HS3ST5: variants seen among roughly 807,000 people sequenced by gnomAD.
HS3ST5 encodes heparan sulfate-glucosamine 3-sulfotransferase 5.
A neutral mutation model predicts 25.4 loss-of-function variants in HS3ST5; 10 were observed. That is an observed-to-expected ratio of 0.39 (90% CI 0.24 to 0.67). The LOEUF (loss-of-function observed/expected upper bound fraction) is 0.67, where lower values mean the gene tolerates loss of function less well. Ranked by LOEUF, HS3ST5 falls within the 30% of genes least tolerant of loss-of-function variation. The pLI is 0.44. For synonymous variants in HS3ST5, 170 were observed against 162.4 expected, an observed-to-expected ratio of 1.05 and a Z score of -0.36; for missense variants, 324 against 420.7, an observed-to-expected ratio of 0.77 and a Z score of 2.01.
intron 3 of HS3ST5, among the ~76,000 whole-genome samples, chr6:114,085,289 C>G (rs1468463434): frequency 6.6e-6 from 1 of 151,934 alleles, no homozygotes; most frequent in Non-Finnish European, 1.5e-5. Context: ...TGAGTTCTTT[C>G]GAAGAAGTTA....
At chr6:114,162,109 TTC>T (rs761289985) in intron 3 of HS3ST5, among the ~76,000 whole-genome samples, 1 of 152,164 alleles carries the variant, frequency 6.6e-6, no homozygotes, top group Non-Finnish European at 1.5e-5. Flanking sequence ...GATAAAATTA[TTC>T]TCTCAGTAAT....
intron 1 of HS3ST5, among the ~76,000 whole-genome samples, chr6:114,308,564 G>A (rs540499682): frequency 3.3e-5 from 5 of 152,136 alleles, no homozygotes; most frequent in Non-Finnish European, 5.9e-5. Context: ...TCCAGCCTGG[G>A]TGACAGAGCA....
chr6:114,330,722 CT>C (rs1776360222), intron 1 of HS3ST5, among the ~76,000 whole-genome samples: 1 of 152,294 alleles, frequency 6.6e-6, no homozygotes, highest in African/African-American at 2.4e-5. Context: ...ACTTGGTTCT[CT>C]TCTGAAACAA....
intron 3 of HS3ST5, among the ~76,000 whole-genome samples, chr6:114,162,664 T>C (rs1162818043): frequency 6.6e-6 from 1 of 152,190 alleles, no homozygotes; most frequent in Admixed American, 6.5e-5. Context: ...CCTTTTCCAG[T>C]CTTTTCCAGT....
At chr6:114,240,046 C>T (rs1772039320) in intron 1 of HS3ST5, among the ~76,000 whole-genome samples, 1 of 151,308 alleles carries the variant, frequency 6.6e-6, no homozygotes, top group Non-Finnish European at 1.5e-5. Context: ...CGCTTACTCT[C>T]TATTACACTG....
chr6:114,185,592 C>A (rs1286177132), intron 2 of HS3ST5, among the ~76,000 whole-genome samples: 4 of 152,202 alleles, frequency 2.6e-5, no homozygotes, highest in African/African-American at 7.2e-5. Context: ...TCATGGCAAC[C>A]CTCCATCAAG....
chr6:114,224,278 T>G (rs1782180894), intron 2 of HS3ST5, among the ~76,000 whole-genome samples: 1 of 151,654 alleles, frequency 6.6e-6, no homozygotes, highest in Non-Finnish European at 1.5e-5. Context: ...TTTTTATATT[T>G]ATTGATGTGA....
At position 114,085,936 on chromosome 6, in the gene HS3ST5, C is replaced by CCT. The variant is rs943694562; in HGVS notation, c.-32-23060_-32-23059insAG. Among the ~76,000 whole-genome samples, 22 of 106,658 alleles carry CCT rather than the reference C, an allele frequency of 2.1e-4. 1 individual carries two copies. The South Asian group carries it at 7.0e-3, about 34-fold the overall frequency. 70.0% of individuals were successfully genotyped at this position (106,658 alleles called of 152,430 possible). ...TCTTAAATTCATATAAATTCATTGC[C>CCT]CCCCCCCCCATTTAATCAGCCACTT... On this transcript the variant is annotated intron_variant, in intron 3 of 4. Transcript: ENST00000312719.
In HS3ST5 at chr6:114,342,240, G is replaced by A. The variant is rs892632794; in HGVS notation, c.-384C>T. Reference sequence around the variant, plus strand: ...GCGCGGGCGGGAGCCTCAGGGCGCGGGGGTCGGCGGCGGGTCGCGTGGGGG... The same window carrying A: ...GCGCGGGCGGGAGCCTCAGGGCGCGAGGGTCGGCGGCGGGTCGCGTGGGGG... On this transcript the variant is annotated 5_prime_UTR_variant, in exon 1 of 5. Transcript: ENST00000312719. The A allele has an allele frequency of 7.0e-6, 1 of 143,634 alleles. No individual in the cohort carries two copies. Among genetic ancestry groups the A allele is most frequent in the Non-Finnish European group, 1.5e-5 (1 of 65,626 alleles). 8.9% of individuals were successfully genotyped at this position (143,634 alleles called of 1,614,324 possible). A position where few individuals can be genotyped will look rare whatever the true frequency, so the allele number is the denominator to read the frequency against.
chr6:114,172,704 T>C (rs1779530504), intron 2 of HS3ST5, among the ~76,000 whole-genome samples: 1 of 152,252 alleles, frequency 6.6e-6, no homozygotes, highest in Non-Finnish European at 1.5e-5. Flanking sequence ...ATTCTGCATT[T>C]CATCTGTCAG....
intron 3 of HS3ST5, among the ~76,000 whole-genome samples, chr6:114,086,130 C>T (rs1774808881): frequency 6.6e-6 from 1 of 152,024 alleles, no homozygotes; most frequent in African/African-American, 2.4e-5. Context: ...GTACATGGCT[C>T]CCATAACCTT....
rs1562282046 is a variant in HS3ST5, at chr6:114,342,409, GC to G, written c.-554del. 5.2e-6 allele frequency: 1 copy of G among 193,350 alleles called. No homozygotes were observed. The highest frequency in any genetic ancestry group is 1.0e-5 in the Non-Finnish European group (1 of 99,086). The allele number at this position is 193,350 out of a possible 1,614,324, so 12.0% of individuals were successfully genotyped here. On this transcript the variant is annotated 5_prime_UTR_variant, in exon 1 of 5. Coordinates refer to ENST00000312719, the MANE Select transcript of HS3ST5 (RefSeq NM_153612.4). ...GCGCGTGTGAGTAAGACGCGAGCGG[GC>G]CCCACACGCAGGCGGCGGCGGCGGC...
chr6:114,247,356 C>T (rs965373242), intron 1 of HS3ST5, among the ~76,000 whole-genome samples: 1 of 152,100 alleles, frequency 6.6e-6, no homozygotes, highest in Admixed American at 6.5e-5. Context: ...TTAGGCTGGT[C>T]TTTACTTGTA....
At chr6:114,219,672 CA>C (rs1270795269) in intron 2 of HS3ST5, among the ~76,000 whole-genome samples, 1 of 151,972 alleles carries the variant, frequency 6.6e-6, no homozygotes, top group East Asian at 1.9e-4. Context: ...AAATAATAAA[CA>C]ATTAGTCTAA....
intron 1 of HS3ST5, among the ~76,000 whole-genome samples, chr6:114,321,019 T>C (rs1298353336): frequency 6.6e-6 from 1 of 151,618 alleles, no homozygotes; most frequent in East Asian, 1.9e-4. Context: ...CTGTCTTAAC[T>C]TCCCAAATTT....
At chr6:114,167,379 A>G in intron 3 of HS3ST5, 1 of 152,224 alleles carries the variant, frequency 6.6e-6, no homozygotes, top group East Asian at 1.9e-4. Flanking sequence ...ATTACTGTAG[A>G]CACAGTAGTA....
At chr6:114,113,695 C>T (rs1188620645) in intron 3 of HS3ST5, among the ~76,000 whole-genome samples, 1 of 152,004 alleles carries the variant, frequency 6.6e-6, no homozygotes, top group Non-Finnish European at 1.5e-5. Flanking sequence ...CATTTATTAT[C>T]TGCCTGCCCC....
chr6:114,283,258 G>C (rs1774199921), intron 1 of HS3ST5, among the ~76,000 whole-genome samples: 1 of 151,232 alleles, frequency 6.6e-6, no homozygotes, highest in African/African-American at 2.4e-5. Context: ...TAATTTTTTA[G>C]GTTTTGAGCT....
chr6:114,309,765 T>C (rs546909217), intron 1 of HS3ST5, among the ~76,000 whole-genome samples: 10 of 152,106 alleles, frequency 6.6e-5, no homozygotes, highest in Non-Finnish European at 1.0e-4. Flanking sequence ...AAACATTAAA[T>C]ATCCTTTTGT....
Sources: allele counts gnomAD v4.1 joint callset (sites outside exome capture counted in the v4.1 genomes callset), GRCh38; gene constraint gnomAD v4.1.1; transcripts MANE v1.5; gene names NCBI Gene and HGNC (gene_info 2026-07-23, HGNC 2026-07-21).